Variants in KATNAL1 observed in about 807,000 individuals in gnomAD.
The protein encoded by KATNAL1 is katanin catalytic subunit A1 like 1.
A neutral mutation model predicts 55.2 loss-of-function variants in KATNAL1; 32 were observed. The observed-to-expected ratio is 0.58, with a 90% confidence interval of 0.44 to 0.78. The LOEUF (loss-of-function observed/expected upper bound fraction) is 0.78. KATNAL1 is among the 30% of genes least tolerant of loss of function. The pLI, the probability that KATNAL1 is intolerant of heterozygous loss-of-function variation, is 0.00. For missense variants in KATNAL1, 466 were observed against 600.9 expected (o/e 0.78, Z 2.35); for synonymous variants, 193 against 193.6 (o/e 1.00, Z 0.02).
chr13:30,226,311 A>T (rs955802060), intron 9 of KATNAL1, among the ~76,000 whole-genome samples: 32 of 152,352 alleles, frequency 2.1e-4, no homozygotes, highest in African/African-American at 6.5e-4. Flanking sequence ...ATCCATAAAA[A>T]AGATACGTAC....
At position 30,255,596 on chromosome 13, in the gene KATNAL1, G is replaced by T; in HGVS notation, c.343C>A (p.Arg115Ser). 1 of 1,515,582 alleles carries T rather than the reference G, an allele frequency of 6.6e-7. No individual in the cohort carries two copies. The allele number at this position is 1,515,582 out of a possible 1,614,324, so 93.9% of individuals were successfully genotyped here. The change falls in exon 4 of 11, where the codon CGT becomes AGT. Residue 115 changes from arginine (R) to serine (S), a missense_variant. Arg to Ser is a moderately radical substitution (Grantham distance 110, BLOSUM62 -1). Coordinates refer to ENST00000380615, the MANE Select transcript of KATNAL1 (RefSeq NM_032116.5). The part of the protein sequence containing the change: ...AEHRAPPQIR[R>S]PNREVRPLRK... ...AGAGGTCTTACTTCTCGATTGGGAC[G>T]CCTGATCTGAGGTGGAGCTCTGACA...
intron 9 of KATNAL1, among the ~76,000 whole-genome samples, chr13:30,220,758 G>C (rs1220646301): frequency 6.6e-6 from 1 of 152,054 alleles, no homozygotes; most frequent in African/African-American, 2.4e-5. Context: ...GAGTGCTGTG[G>C]TGTGATCTCG....
At chr13:30,289,420 T>C (rs538853614) in intron 1 of KATNAL1, among the ~76,000 whole-genome samples, 51 of 152,336 alleles carry the variant, frequency 3.3e-4, no homozygotes, top group African/African-American at 1.2e-3. Context: ...CCTTGCTTGG[T>C]TAACAAATGA....
At chr13:30,263,638 G>C (rs1354543676) in intron 3 of KATNAL1, among the ~76,000 whole-genome samples, 1 of 151,590 alleles carries the variant, frequency 6.6e-6, no homozygotes. Flanking sequence ...GCTTCAAAGA[G>C]AATAAAATAC....
chr13:30,274,909 A>ACGCGCG (rs1287247206), intron 3 of KATNAL1, among the ~76,000 whole-genome samples: 2 of 60,252 alleles, frequency 3.3e-5, no homozygotes, highest in Admixed American at 1.6e-4. Flanking sequence ...GCGCGCGCGC[A>ACGCGCG]CACACACACA....
intron 10 of KATNAL1, among the ~76,000 whole-genome samples, chr13:30,209,954 T>C (rs1873505833): frequency 1.3e-5 from 2 of 152,136 alleles, no homozygotes; most frequent in South Asian, 4.1e-4. Context: ...GCTAATTTTT[T>C]GTATTTTTTA....
chr13:30,210,598 C>A, intron 9 of KATNAL1, 156 bp from the exon 10 acceptor site: 2 of 269,620 alleles, frequency 7.4e-6, no homozygotes, highest in East Asian at 7.4e-5. Context: ...CACTGCATGA[C>A]TCATGGAATC....
intron 2 of KATNAL1, among the ~76,000 whole-genome samples, 162 bp from the exon 3 acceptor site, chr13:30,280,385 G>C (rs536214025): frequency 6.4e-4 from 98 of 152,194 alleles, no homozygotes; most frequent in Non-Finnish European, 1.2e-3. Flanking sequence ...GTAATACTGA[G>C]AAAAGGGTAG....
intron 3 of KATNAL1, among the ~76,000 whole-genome samples, chr13:30,258,840 G>A (rs1453580596): frequency 1.3e-5 from 2 of 152,092 alleles, no homozygotes; most frequent in Non-Finnish European, 2.9e-5. Flanking sequence ...CTAAATTTCA[G>A]TGGTGTCTTC....
chr13:30,247,465 A>G (rs1877902978), intron 4 of KATNAL1, among the ~76,000 whole-genome samples: 1 of 152,214 alleles, frequency 6.6e-6, no homozygotes, highest in African/African-American at 2.4e-5. Context: ...CACTATTCTA[A>G]GCACTGAGGA....
rs538142694 is a variant in KATNAL1 at position 30,259,062 on chromosome 13, G to A, written c.324-3447C>T. ...AACGTAAAAGGCTGTATTAAGGGTCGGACACAGTGGCTCACACTTGTAATC... is the reference window on the plus strand; with the variant it reads ...AACGTAAAAGGCTGTATTAAGGGTCAGACACAGTGGCTCACACTTGTAATC... On this transcript the variant is annotated intron_variant, in intron 3 of 10. Coordinates refer to ENST00000380615, the MANE Select transcript of KATNAL1 (RefSeq NM_032116.5). 1.2e-4 allele frequency among the ~76,000 whole-genome samples: 19 copies of A among 152,254 alleles called. No homozygotes were observed. The East Asian group carries it at 1.5e-3, about 12-fold the overall frequency.
intron 4 of KATNAL1, among the ~76,000 whole-genome samples, chr13:30,244,778 C>A (rs1877620434): frequency 6.6e-6 from 1 of 152,124 alleles, no homozygotes; most frequent in Admixed American, 6.5e-5. Flanking sequence ...CACCTCTACG[C>A]AAATAAACCA....
intron 1 of KATNAL1, among the ~76,000 whole-genome samples, chr13:30,287,906 T>G (rs1165849595): frequency 1.3e-5 from 2 of 151,976 alleles, no homozygotes; most frequent in East Asian, 3.9e-4. Context: ...ACAAACAAAA[T>G]GAAGGATATT....
At chr13:30,264,016 A>G (rs1205756282) in intron 3 of KATNAL1, among the ~76,000 whole-genome samples, 3 of 148,394 alleles carry the variant, frequency 2.0e-5, no homozygotes, top group Non-Finnish European at 3.0e-5. Flanking sequence ...TGGTACTGGT[A>G]CCAAAACAGA....
intron 1 of KATNAL1, among the ~76,000 whole-genome samples, chr13:30,302,314 TGGA>T (rs1435047591): frequency 6.6e-6 from 1 of 152,220 alleles, no homozygotes; most frequent in Non-Finnish European, 1.5e-5. Context: ...TAAGGCCACG[TGGA>T]GTTCACTAAC....
chr13:30,299,405 T>G (rs1383551515), intron 1 of KATNAL1, among the ~76,000 whole-genome samples: 1 of 152,072 alleles, frequency 6.6e-6, no homozygotes, highest in African/African-American at 2.4e-5. Flanking sequence ...TGAATCAATA[T>G]AAGGAATATT....
Position 30,248,929 on chromosome 13 carries a change from G to A in KATNAL1, c.492+6518C>T, listed in dbSNP as rs556837813. Among the ~76,000 whole-genome samples, 3 of 152,248 alleles carry A rather than the reference G, an allele frequency of 2.0e-5. No homozygotes were observed. The South Asian group carries it at 6.2e-4, about 32-fold the overall frequency. On this transcript the variant is annotated intron_variant, in intron 4 of 10. Coordinates refer to ENST00000380615, the MANE Select transcript of KATNAL1 (RefSeq NM_032116.5). ...AAAAAATTAGCCGGGCGTGGTGGTGGGCACCTGTATTCCCAGCTACTCAGG... is the reference window on the plus strand; with the variant it reads ...AAAAAATTAGCCGGGCGTGGTGGTGAGCACCTGTATTCCCAGCTACTCAGG...
At chr13:30,284,927 G>C (rs1246789078) in intron 1 of KATNAL1, among the ~76,000 whole-genome samples, 1 of 152,150 alleles carries the variant, frequency 6.6e-6, no homozygotes, top group Non-Finnish European at 1.5e-5. Flanking sequence ...ATGATATCCT[G>C]AGAAAGTGTC....
chr13:30,284,974 T>C (rs988106608), intron 1 of KATNAL1, among the ~76,000 whole-genome samples: 1 of 152,158 alleles, frequency 6.6e-6, no homozygotes, highest in Non-Finnish European at 1.5e-5. Context: ...AGTAAACCAA[T>C]GAATACACAT....
Sources: gnomAD v4.1 joint callset for allele counts (sites outside exome capture counted in the v4.1 genomes callset) on GRCh38, gnomAD v4.1.1 for gene constraint, MANE v1.5 for transcripts, NCBI Gene and HGNC (gene_info 2026-07-23, HGNC 2026-07-21) for gene names.